C2orf49: variants seen among roughly 807,000 people sequenced by gnomAD.
The protein encoded by C2orf49 is tRNA splicing ligase complex subunit 2.
C2orf49 carries 11 observed loss-of-function variants against 20.6 expected under a neutral mutation model. The observed-to-expected ratio is 0.53, with a 90% CI of 0.34 to 0.88. C2orf49 has a LOEUF of 0.88. Ranked by LOEUF, C2orf49 falls within the 40% of genes least tolerant of loss-of-function variation. The pLI is 0.02. For missense variants in C2orf49, 289 were observed against 274.2 expected (o/e 1.05, Z -0.38); for synonymous variants, 134 against 108.5 (o/e 1.24, Z -1.46).
chr2:105,365,943 G>A, the C2orf49 span, among the ~76,000 whole-genome samples: 2 of 152,140 alleles, frequency 1.3e-5, no homozygotes, highest in Non-Finnish European at 2.9e-5. Context: ...GGTGGCTCAC[G>A]CCTGTAATCC....
the C2orf49 span, among the ~76,000 whole-genome samples, chr2:105,380,092 G>A: frequency 6.6e-6 from 1 of 152,202 alleles, no homozygotes; most frequent in East Asian, 1.9e-4. Context: ...AGGAGGAAGT[G>A]AGGAAAGACT....
At chr2:105,385,870 C>G in the C2orf49 span, 1 of 182,176 alleles carries the variant, frequency 5.5e-6, no homozygotes, top group Non-Finnish European at 1.1e-5. Flanking sequence ...CTGTCCTTCT[C>G]TCATTAAAGG....
chr2:105,381,460 A>G, the C2orf49 span, among the ~76,000 whole-genome samples: 1 of 152,068 alleles, frequency 6.6e-6, no homozygotes, highest in African/African-American at 2.4e-5. Flanking sequence ...CAGCTTGTCA[A>G]AGGTGGAGCC....
the C2orf49 span, among the ~76,000 whole-genome samples, chr2:105,372,885 T>C: frequency 6.6e-6 from 1 of 152,174 alleles, no homozygotes; most frequent in Non-Finnish European, 1.5e-5. Flanking sequence ...TTCCACATAT[T>C]TTTGTCCACT....
At chr2:105,352,429 GTTTTTTTT>G (rs61585149), downstream of C2orf49, among the ~76,000 whole-genome samples, 3 of 80,758 alleles carry the variant, frequency 3.7e-5, no homozygotes, top group East Asian at 4.0e-4. Flanking sequence ...GTTTGTTTGG[GTTTTTTTT>G]TTTTTTTTTT....
the C2orf49 span, among the ~76,000 whole-genome samples, chr2:105,369,097 A>T: frequency 4.6e-5 from 7 of 152,178 alleles, no homozygotes. Context: ...AAAGCCCCAA[A>T]TATTTATCTG....
At chr2:105,371,296 C>T in the C2orf49 span, among the ~76,000 whole-genome samples, 587 of 152,240 alleles carry the variant, frequency 3.9e-3, 3 homozygotes, top group Non-Finnish European at 7.0e-3. Flanking sequence ...ACCCACGTAT[C>T]AGGGCCGGGC....
the C2orf49 span, among the ~76,000 whole-genome samples, chr2:105,362,827 T>C: frequency 6.6e-6 from 1 of 152,196 alleles, no homozygotes; most frequent in Non-Finnish European, 1.5e-5. Flanking sequence ...AAAAACTCCT[T>C]AGAATGTACC....
At chr2:105,356,317 G>A in the C2orf49 span, among the ~76,000 whole-genome samples, 1 of 152,200 alleles carries the variant, frequency 6.6e-6, no homozygotes, top group South Asian at 2.1e-4. Context: ...CTTGAACCTA[G>A]GAGGCGGAGG....
chr2:105,366,613 C>T, the C2orf49 span, among the ~76,000 whole-genome samples: 1 of 152,184 alleles, frequency 6.6e-6, no homozygotes, highest in African/African-American at 2.4e-5. Flanking sequence ...TAAGCTACAC[C>T]CTGAAGGGTG....
In C2orf49 at chr2:105,348,557, T is replaced by C. The variant is rs1228121507; in HGVS notation, c.*3186T>C. On this transcript the variant is annotated 3_prime_UTR_variant, in exon 4 of 4. Transcript: ENST00000258457. ...ATATATATATATATATATATATATA[T>C]GTAAGAGCTTCCTCTATTTACTACT... The C allele has an allele frequency of 2.1e-5, 3 of 145,256 alleles. No individual in the cohort carries two copies. The highest frequency in any genetic ancestry group is 7.5e-5 in the African/African-American group (3 of 40,006). The allele number at this position is 145,256 out of a possible 1,614,324, so 9.0% of individuals were successfully genotyped here.
At chr2:105,339,486 T>A in intron 1 of C2orf49, 97 bp from the exon 2 acceptor site, 1 of 1,179,372 alleles carries the variant, frequency 8.5e-7, no homozygotes, top group Non-Finnish European at 1.2e-6. Flanking sequence ...TTATAATTTG[T>A]TATTTAAGCA....
chr2:105,360,550 G>C, the C2orf49 span: 8 of 152,392 alleles, frequency 5.2e-5, no homozygotes, highest in African/African-American at 1.9e-4. Flanking sequence ...TAGAGACGGG[G>C]TTTCACCATG....
At chr2:105,370,818 G>A in the C2orf49 span, among the ~76,000 whole-genome samples, 3 of 152,126 alleles carry the variant, frequency 2.0e-5, no homozygotes, top group Non-Finnish European at 4.4e-5. Context: ...TTCTGGCAGA[G>A]GCACCTGTAA....
At chr2:105,365,946 T>C in the C2orf49 span, among the ~76,000 whole-genome samples, 1 of 152,142 alleles carries the variant, frequency 6.6e-6, no homozygotes, top group Non-Finnish European at 1.5e-5. Flanking sequence ...GGCTCACGCC[T>C]GTAATCCCAG....
chr2:105,365,558 A>G, the C2orf49 span, among the ~76,000 whole-genome samples: 3 of 152,264 alleles, frequency 2.0e-5, no homozygotes, highest in African/African-American at 4.8e-5. Flanking sequence ...AAGGGGAGAG[A>G]ACAGGGAAGA....
downstream of C2orf49, among the ~76,000 whole-genome samples, chr2:105,350,440 T>C (rs1273314380): frequency 6.6e-6 from 1 of 152,174 alleles, no homozygotes. Flanking sequence ...TGGAAGCTGT[T>C]TGTTAACTCT....
At chr2:105,373,753 A>T in the C2orf49 span, 1 of 1,613,098 alleles carries the variant, frequency 6.2e-7, no homozygotes, top group Non-Finnish European at 8.5e-7. Flanking sequence ...CAGACCACAC[A>T]AGACAGTCAG....
the C2orf49 span, chr2:105,363,406 G>A: frequency 6.8e-6 from 11 of 1,613,368 alleles, no homozygotes; most frequent in Admixed American, 1.7e-5. Flanking sequence ...TCCTGCAGGC[G>A]GTGCACACGA....
Sources: gnomAD v4.1 joint callset for allele counts (sites outside exome capture counted in the v4.1 genomes callset) on GRCh38, gnomAD v4.1.1 for gene constraint, MANE v1.5 for transcripts, NCBI Gene and HGNC (gene_info 2026-07-23, HGNC 2026-07-21) for gene names.